The following CEP290 variants were observed in gnomAD, a reference collection of about 807,000 sequenced individuals.
CEP290 encodes the protein centrosomal protein 290, also known as centrosomal protein of 290 kDa.
Under a neutral mutation model 344.9 loss-of-function variants are expected in CEP290, and 317 were observed. The ratio of observed to expected loss-of-function variants is 0.92; its 90% CI spans 0.84 to 1.01. The LOEUF is 1.01. Ranked by LOEUF, CEP290 falls within the 50% of genes least tolerant of loss-of-function variation. The probability of loss-of-function intolerance (pLI) is 0.00; values close to 1 mark genes in which losing one functional copy is unlikely to be tolerated. For missense variants in CEP290, 2,754 were observed against 2,761.4 expected (o/e 1.00, Z 0.06); for synonymous variants, 932 against 895.8 (o/e 1.04, Z -0.72).
chr12:88,090,083 T>C (rs1026464742), intron 30 of CEP290, among the ~76,000 whole-genome samples: 1 of 152,192 alleles, frequency 6.6e-6, no homozygotes, highest in Admixed American at 6.5e-5. Context: ...GGACAATGTG[T>C]ATGTTTTTAT....
intron 25 of CEP290, 174 bp from the exon 26 acceptor site, chr12:88,103,185 G>A: frequency 2.6e-6 from 1 of 389,496 alleles, no homozygotes; most frequent in Non-Finnish European, 4.5e-6. Context: ...TTTCATATAA[G>A]AAATGTTACT....
intron 36 of CEP290, 93 bp from the exon 37 acceptor site, chr12:88,083,323 A>G: frequency 1.5e-6 from 1 of 648,234 alleles, no homozygotes; most frequent in Non-Finnish European, 2.4e-6. Context: ...TGATCAAAAT[A>G]TAATATCTAA....
chr12:88,092,959 A>C (rs1163509428), intron 28 of CEP290, 127 bp from the exon 29 acceptor site: 1 of 835,906 alleles, frequency 1.2e-6, no homozygotes, highest in East Asian at 2.6e-5. Context: ...TTAAGTGTGA[A>C]GTGTTAAGAA....
intron 6 of CEP290, among the ~76,000 whole-genome samples, chr12:88,135,093 T>G (rs1264358306): frequency 1.3e-5 from 2 of 152,152 alleles, no homozygotes; most frequent in Non-Finnish European, 2.9e-5. Context: ...ATGAATATTC[T>G]TGAGAACCAG....
Position 88,068,503 on chromosome 12 carries a change from A to T in CEP290, c.6135+19T>A. The T allele has an allele frequency of 7.1e-7, 1 of 1,399,324 alleles. No homozygotes were observed. Among genetic ancestry groups the T allele is most frequent in the Non-Finnish European group, 9.4e-7 (1 of 1,060,502 alleles). 86.7% of individuals were successfully genotyped at this position (1,399,324 alleles called of 1,614,324 possible). A position where few individuals can be genotyped will look rare whatever the true frequency, so the allele number is the denominator to read the frequency against. Reference sequence around the variant, plus strand: ...TTAACATGGAAAAAAGAAAAAAATAATAAAAGATATACACTTACTGAAGGC... The same window carrying T: ...TTAACATGGAAAAAAGAAAAAAATATTAAAAGATATACACTTACTGAAGGC... On this transcript the variant is annotated intron_variant, in intron 44 of 53. Coordinates refer to ENST00000552810, the MANE Select transcript of CEP290 (RefSeq NM_025114.4).
chr12:88,108,004 T>C (rs574521060), intron 23 of CEP290, among the ~76,000 whole-genome samples: 5 of 151,950 alleles, frequency 3.3e-5, no homozygotes, highest in East Asian at 3.9e-4. Flanking sequence ...TTGTATAGCA[T>C]AGTATATACA....
chr12:88,074,161 G>T (rs2035589638), intron 41 of CEP290, among the ~76,000 whole-genome samples: 1 of 152,026 alleles, frequency 6.6e-6, no homozygotes, highest in Non-Finnish European at 1.5e-5. Flanking sequence ...GGAGGCGGAG[G>T]TTGCAGTGAG....
intron 30 of CEP290, among the ~76,000 whole-genome samples, chr12:88,089,724 G>T (rs1278648433): frequency 6.7e-6 from 1 of 149,700 alleles, no homozygotes; most frequent in African/African-American, 2.5e-5. Context: ...TATGTTACTG[G>T]TGTTTTTTTT....
intron 22 of CEP290, among the ~76,000 whole-genome samples, chr12:88,109,721 A>T (rs2038543197): frequency 1.3e-5 from 2 of 152,156 alleles, no homozygotes; most frequent in Non-Finnish European, 2.9e-5. Context: ...AGCTCTATAC[A>T]GCCTTAGGAT....
rs759486805 is a variant in CEP290, at chr12:88,054,453, T to C, written c.6961-40A>G. On this transcript the variant is annotated intron_variant, in intron 50 of 53. Transcript: ENST00000552810. ...AAAAGTTAGAAGATAAGGTTTGCCATGGAAATATGAGGATTTATAAAGATA... is the reference window on the plus strand; with the variant it reads ...AAAAGTTAGAAGATAAGGTTTGCCACGGAAATATGAGGATTTATAAAGATA... The C allele has an allele frequency of 1.6e-5, 22 of 1,408,546 alleles. 1 individual carries two copies. The South Asian group carries it at 2.4e-4, about 16-fold the overall frequency. The allele number at this position is 1,408,546 out of a possible 1,614,324, so 87.3% of individuals were successfully genotyped here. A position where few individuals can be genotyped will look rare whatever the true frequency, so the allele number is the denominator to read the frequency against.
At position 88,079,206 on chromosome 12, in the gene CEP290, T is replaced by TG; in HGVS notation, c.5249_5250insC (p.Glu1750AspfsTer11). On this transcript the variant is annotated frameshift_variant, in exon 39 of 54. Coordinates refer to ENST00000552810, the MANE Select transcript of CEP290 (RefSeq NM_025114.4). LOFTEE classifies it high-confidence loss of function. ...CAGCTGCTGTCATTTCTGCCCGGAG[T>TG]TCTAAAAGTGCCCGACTAAGTGCCT... 6.3e-7 allele frequency: 1 copy of TG among 1,593,186 alleles called. No individual in the cohort carries two copies. Among genetic ancestry groups the TG allele is most frequent in the Non-Finnish European group, 8.5e-7 (1 of 1,173,226 alleles).
At chr12:88,059,105 ATTGG>A in intron 48 of CEP290, 85 bp from the exon 49 acceptor site, 1 of 1,163,468 alleles carries the variant, frequency 8.6e-7, no homozygotes. Context: ...ATCATTACAA[ATTGG>A]AAAACAAAAA....
intron 6 of CEP290, among the ~76,000 whole-genome samples, chr12:88,134,109 C>T (rs1254454745): frequency 6.6e-6 from 1 of 152,130 alleles, no homozygotes; most frequent in Non-Finnish European, 1.5e-5. Flanking sequence ...TCCACAGATA[C>T]CCTTTTTGAA....
chr12:88,109,833 G>A (rs1208799553), intron 22 of CEP290, among the ~76,000 whole-genome samples: 1 of 151,976 alleles, frequency 6.6e-6, no homozygotes, highest in African/African-American at 2.4e-5. Flanking sequence ...CTTATACAAA[G>A]ATTAAAAATC....
intron 20 of CEP290, among the ~76,000 whole-genome samples, chr12:88,113,264 T>C (rs901037123): frequency 6.6e-6 from 1 of 152,084 alleles, no homozygotes; most frequent in Non-Finnish European, 1.5e-5. Flanking sequence ...AAGTTTGATC[T>C]GGGACACAGT....
rs1221794792 is a variant in CEP290 at position 88,067,350 on chromosome 12, C to G, written c.6135+1172G>C. On this transcript the variant is annotated intron_variant, in intron 44 of 53. Coordinates refer to ENST00000552810, the MANE Select transcript of CEP290 (RefSeq NM_025114.4). ...AATCTTACACACTTTCCCATTTGCA[C>G]TATATATGTACGTAAGCTACTTACT... Among the ~76,000 whole-genome samples, 3 of 152,110 alleles carry G rather than the reference C, an allele frequency of 2.0e-5. 1 individual carries two copies. The South Asian group carries it at 6.2e-4, about 32-fold the overall frequency.
Position 88,096,946 on chromosome 12 carries a change from CTCCAGT to C in CEP290, c.3039_3044del (p.Leu1014_Glu1015del), listed in dbSNP as rs768534256. On this transcript the variant is annotated inframe_deletion, in exon 27 of 54. Transcript: ENST00000552810. Reference sequence around the variant, plus strand: ...TAGTGTGAAGTTTTTCCTTGGTAATCTCCAGTTCTTTATTTATAGACTCCACTTGTT... The same window carrying C: ...TAGTGTGAAGTTTTTCCTTGGTAATCTCTTTATTTATAGACTCCACTTGTT... 6.3e-7 allele frequency: 1 copy of C among 1,581,424 alleles called. No individual in the cohort carries two copies. The highest frequency in any genetic ancestry group is 1.3e-5 in the African/African-American group (1 of 74,492).
At chr12:88,063,334 A>G (rs951682496) in intron 45 of CEP290, among the ~76,000 whole-genome samples, 2 of 152,116 alleles carry the variant, frequency 1.3e-5, no homozygotes, top group African/African-American at 4.8e-5. Flanking sequence ...AAAGATTCCC[A>G]TAAATAGGGT....
In CEP290 at chr12:88,086,064, C is replaced by A; in HGVS notation, c.4412G>T (p.Arg1471Leu). ...KENIRIILET[R>L]ATCKSLEEKL... ...CTCTTCTAGTGATTTGCAAGTTGCCCGTGTTTCTAGAATTATTCGAATGTT... is the reference window on the plus strand; with the variant it reads ...CTCTTCTAGTGATTTGCAAGTTGCCAGTGTTTCTAGAATTATTCGAATGTT... The change falls in exon 34 of 54, where the codon CGG becomes CTG. Residue 1471 changes from arginine (R) to leucine (L), a missense_variant. Coordinates refer to ENST00000552810, the MANE Select transcript of CEP290 (RefSeq NM_025114.4). 1 of 1,611,210 alleles carries A rather than the reference C, an allele frequency of 6.2e-7. No individual in the cohort carries two copies. Among genetic ancestry groups the A allele is most frequent in the Non-Finnish European group, 8.5e-7 (1 of 1,178,674 alleles).
Sources: allele counts gnomAD v4.1 joint callset (sites outside exome capture counted in the v4.1 genomes callset), GRCh38; gene constraint gnomAD v4.1.1; transcripts MANE v1.5; gene names NCBI Gene and HGNC (gene_info 2026-07-23, HGNC 2026-07-21).